The following BBS9 variants were observed in gnomAD, a reference collection of about 807,000 sequenced individuals.
The protein encoded by BBS9 is protein PTHB1.
In BBS9, 89 loss-of-function variants were observed where a neutral mutation model predicts 117.7. That is an observed-to-expected ratio of 0.76 (90% CI 0.64 to 0.90). The LOEUF is 0.90. BBS9 is among the 40% of genes least tolerant of loss of function. The pLI, the probability that BBS9 is intolerant of heterozygous loss-of-function variation, is 0.00. For missense variants in BBS9, 982 were observed against 1,042.2 expected (o/e 0.94, Z 0.80); for synonymous variants, 379 against 370.9 (o/e 1.02, Z -0.25).
intron 19 of BBS9, among the ~76,000 whole-genome samples, chr7:33,480,098 A>G (rs1563232843): frequency 6.6e-6 from 1 of 152,178 alleles, no homozygotes; most frequent in African/African-American, 2.4e-5. Context: ...CATTGTTTTC[A>G]TATAGCAATG....
At chr7:33,369,564 C>G (rs1822464863) in intron 17 of BBS9, among the ~76,000 whole-genome samples, 1 of 152,074 alleles carries the variant, frequency 6.6e-6, no homozygotes, top group South Asian at 2.1e-4. Flanking sequence ...AAACAAGGAG[C>G]CAAATAAACT....
chr7:33,177,746 G>A, intron 5 of BBS9, 155 bp downstream of exon 5: 1 of 658,752 alleles, frequency 1.5e-6, no homozygotes, highest in Non-Finnish European at 2.7e-6. Flanking sequence ...GCAAGTCTAT[G>A]GCCATACCAC....
intron 9 of BBS9, among the ~76,000 whole-genome samples, chr7:33,290,159 GCT>G (rs370811283): frequency 2.3e-3 from 346 of 152,202 alleles, no homozygotes; most frequent in African/African-American, 8.2e-3. Context: ...TAAAAATTCT[GCT>G]TTTTGCCTTT....
intron 20 of BBS9, among the ~76,000 whole-genome samples, chr7:33,512,921 C>T (rs1277894362): frequency 1.3e-5 from 2 of 152,144 alleles, no homozygotes; most frequent in Non-Finnish European, 2.9e-5. Flanking sequence ...TCCGAAGTAG[C>T]CTTTTTGCCC....
chr7:33,290,716 AG>A (rs1401619322), intron 9 of BBS9, among the ~76,000 whole-genome samples: 1 of 152,274 alleles, frequency 6.6e-6, no homozygotes, highest in African/African-American at 2.4e-5. Context: ...AGATTAGAAC[AG>A]AATTCTCAGT....
intron 4 of BBS9, among the ~76,000 whole-genome samples, chr7:33,166,987 C>T (rs1380847243): frequency 6.6e-6 from 1 of 152,186 alleles, no homozygotes; most frequent in East Asian, 1.9e-4. Flanking sequence ...AGCTGCAGAT[C>T]AGAGCTGTTC....
chr7:33,143,936 TTTGTTG>T, intron 1 of BBS9, among the ~76,000 whole-genome samples: 1 of 150,832 alleles, frequency 6.6e-6, no homozygotes, highest in East Asian at 1.9e-4. Context: ...ATGGTTTGTT[TTTGTTG>T]TTGTTGTTGA....
chr7:33,278,544 C>T (rs1801211857), intron 9 of BBS9, among the ~76,000 whole-genome samples: 1 of 152,090 alleles, frequency 6.6e-6, no homozygotes, highest in Non-Finnish European at 1.5e-5. Context: ...TAGATGAGTT[C>T]AGCTGAACAG....
At chr7:33,436,663 A>G (rs1044735348) in intron 19 of BBS9, among the ~76,000 whole-genome samples, 6 of 152,216 alleles carry the variant, frequency 3.9e-5, no homozygotes, top group Non-Finnish European at 8.8e-5. Context: ...TCTCTCTGCC[A>G]TCAACTTTTT....
At chr7:33,277,686 T>C (rs1225713553) in intron 9 of BBS9, among the ~76,000 whole-genome samples, 2 of 152,084 alleles carry the variant, frequency 1.3e-5, no homozygotes, top group Admixed American at 1.3e-4. Flanking sequence ...GCTAATTGTT[T>C]GGAAGGTGCA....
At chr7:33,411,548 G>A (rs956657545) in intron 19 of BBS9, among the ~76,000 whole-genome samples, 1 of 151,906 alleles carries the variant, frequency 6.6e-6, no homozygotes, top group Non-Finnish European at 1.5e-5. Flanking sequence ...AAGAAACAAC[G>A]CAAAAATTGT....
chr7:33,356,468 G>T (rs1312310338), intron 15 of BBS9, among the ~76,000 whole-genome samples: 2 of 151,780 alleles, frequency 1.3e-5, no homozygotes, highest in African/African-American at 2.4e-5. Flanking sequence ...AGAGACACCA[G>T]TTGTAATTCG....
intron 5 of BBS9, among the ~76,000 whole-genome samples, chr7:33,243,200 T>C (rs1794819054): frequency 6.6e-6 from 1 of 152,256 alleles, no homozygotes; most frequent in Non-Finnish European, 1.5e-5. Flanking sequence ...TCTTAAAACC[T>C]GTCTCAATTC....
chr7:33,626,586 A>G (rs1865647340), intron 21 of BBS9, among the ~76,000 whole-genome samples: 1 of 152,204 alleles, frequency 6.6e-6, no homozygotes, highest in Admixed American at 6.5e-5. Flanking sequence ...GTCCAGGCTG[A>G]GGTGGTCTCA....
intron 21 of BBS9, among the ~76,000 whole-genome samples, chr7:33,629,329 T>C (rs1326819831): frequency 2.6e-5 from 4 of 152,180 alleles, no homozygotes; most frequent in Admixed American, 1.3e-4. Flanking sequence ...AAAATACTCT[T>C]GTGTGAGCTC....
chr7:33,590,451 G>GTT (rs1554551637), intron 21 of BBS9, among the ~76,000 whole-genome samples: 8 of 84,490 alleles, frequency 9.5e-5, no homozygotes, highest in Admixed American at 3.5e-4. Context: ...TTGTTTTTTT[G>GTT]TTTTTTTGTT....
At chr7:33,265,294 A>G (rs977698694) in intron 7 of BBS9, among the ~76,000 whole-genome samples, 8 of 152,198 alleles carry the variant, frequency 5.3e-5, no homozygotes, top group Admixed American at 2.6e-4. Flanking sequence ...ACAGAAGGGT[A>G]ACTTGGAAAG....
Position 33,351,282 on chromosome 7 carries a change from A to T in BBS9, c.1496A>T (p.Glu499Val). 6.2e-7 allele frequency: 1 copy of T among 1,613,212 alleles called. No homozygotes were observed. The highest frequency in any genetic ancestry group is 1.7e-5 in the Admixed American group (1 of 60,028). Residue 499 changes from glutamate (E) to valine (V), a missense_variant, in exon 14 of 23, where the codon GAA (glutamate) becomes GTA (valine). Physicochemically the swap from Glu to Val is moderately radical, Grantham distance 121 (BLOSUM62 -2). Transcript: ENST00000242067. ...VYLKRSYTPSELEGNAVVSYS... is the reference protein window; with the variant it reads ...VYLKRSYTPSVLEGNAVVSYS... ...CTGAAAAGAAGTTATACACCATCAG[A>T]ATTGGAAGGAAATGCTGTTGTTTCT...
intron 4 of BBS9, among the ~76,000 whole-genome samples, chr7:33,157,236 A>G (rs11769811): frequency 0.16 from 24,629 of 152,160 alleles, 2,142 homozygotes; most frequent in South Asian, 0.21. Flanking sequence ...GACAAGGGAT[A>G]AAAAGTGTAC....
Sources: gnomAD v4.1 joint callset for allele counts (sites outside exome capture counted in the v4.1 genomes callset) on GRCh38, gnomAD v4.1.1 for gene constraint, MANE v1.5 for transcripts, NCBI Gene and HGNC (gene_info 2026-07-23, HGNC 2026-07-21) for gene names.